LRP1B: variants seen among roughly 807,000 people sequenced by gnomAD.
LRP1B encodes low-density lipoprotein receptor-related protein 1B.
Under a neutral mutation model 556.6 loss-of-function variants are expected in LRP1B, and 217 were observed. The ratio of observed to expected loss-of-function variants is 0.39; its 90% CI spans 0.35 to 0.44. LRP1B has a LOEUF of 0.44. Among genes scored for constraint, LRP1B ranks in the 20% least tolerant of loss-of-function variants. LRP1B has a pLI of 1.00. For missense variants in LRP1B, 5,053 were observed against 5,620.8 expected (o/e 0.90, Z 3.23); for synonymous variants, 2,047 against 1,865.8 (o/e 1.10, Z -2.50).
At chr2:141,014,301 A>T (rs1248176091) in intron 13 of LRP1B, among the ~76,000 whole-genome samples, 1 of 152,114 alleles carries the variant, frequency 6.6e-6, no homozygotes, top group Non-Finnish European at 1.5e-5. Flanking sequence ...ACACAGACAC[A>T]TTTATTATTA....
At chr2:141,635,568 T>C (rs2105355318) in intron 2 of LRP1B, among the ~76,000 whole-genome samples, 1 of 152,304 alleles carries the variant, frequency 6.6e-6, no homozygotes, top group South Asian at 2.1e-4. Flanking sequence ...TGGAAGAGAT[T>C]TTTATTAAAT....
intron 35 of LRP1B, among the ~76,000 whole-genome samples, chr2:140,739,362 C>CAA (rs56217594): frequency 8.2e-5 from 12 of 146,850 alleles, no homozygotes; most frequent in South Asian, 2.1e-4. Flanking sequence ...TGCAAAGAGT[C>CAA]AAAAAAAAAA....
chr2:141,881,078 T>C (rs1698943803), intron 1 of LRP1B, among the ~76,000 whole-genome samples: 1 of 151,976 alleles, frequency 6.6e-6, no homozygotes, highest in East Asian at 1.9e-4. Flanking sequence ...TATTCACATC[T>C]TCACAAGAAG....
intron 3 of LRP1B, among the ~76,000 whole-genome samples, chr2:141,445,697 G>T (rs1681162252): frequency 6.6e-6 from 1 of 152,162 alleles, no homozygotes; most frequent in Admixed American, 6.5e-5. Flanking sequence ...AGTCATGCAG[G>T]AGCAGGTTGT....
chr2:141,122,766 T>G (rs1701093747), intron 7 of LRP1B, among the ~76,000 whole-genome samples: 1 of 152,114 alleles, frequency 6.6e-6, no homozygotes, highest in East Asian at 1.9e-4. Context: ...ACCTAAAGGT[T>G]TATAAATCAT....
chr2:141,359,136 TATAGC>T (rs1688728215), intron 3 of LRP1B, among the ~76,000 whole-genome samples: 1 of 151,528 alleles, frequency 6.6e-6, no homozygotes, highest in African/African-American at 2.4e-5. Flanking sequence ...GAGGCAAAAA[TATAGC>T]ATAAAGTAAT....
At chr2:141,002,735 C>T (rs1697461995) in intron 15 of LRP1B, among the ~76,000 whole-genome samples, 1 of 151,994 alleles carries the variant, frequency 6.6e-6, no homozygotes, top group Admixed American at 6.6e-5. Context: ...CTATCCTACA[C>T]ACCAGTGAAA....
chr2:140,450,959 C>T (rs35044342), intron 62 of LRP1B, among the ~76,000 whole-genome samples: 37,899 of 151,960 alleles, frequency 0.25, 5,053 homozygotes, highest in Non-Finnish European at 0.29. Flanking sequence ...GCTTGTTGGT[C>T]GAGATAGGGT....
intron 2 of LRP1B, among the ~76,000 whole-genome samples, chr2:141,650,015 A>AC (rs1265156477): frequency 6.6e-6 from 1 of 152,134 alleles, no homozygotes; most frequent in African/African-American, 2.4e-5. Context: ...CCCTGTCTCT[A>AC]CTAAAAATAT....
intron 3 of LRP1B, among the ~76,000 whole-genome samples, chr2:141,257,163 T>C (rs183287341): frequency 1.8e-4 from 28 of 151,990 alleles, no homozygotes; most frequent in Admixed American, 1.3e-3. Flanking sequence ...ATAGGATCGA[T>C]TGAGGGTGTT....
At chr2:141,545,155 T>C (rs1301462035) in intron 2 of LRP1B, among the ~76,000 whole-genome samples, 1 of 152,184 alleles carries the variant, frequency 6.6e-6, no homozygotes, top group Non-Finnish European at 1.5e-5. Flanking sequence ...AAAGCTATAA[T>C]CCTACACATC....
At chr2:140,467,527 T>G (rs558145062) in intron 60 of LRP1B, among the ~76,000 whole-genome samples, 2 of 149,674 alleles carry the variant, frequency 1.3e-5, no homozygotes, top group Admixed American at 6.7e-5. Context: ...CCAGGAGAAT[T>G]GCTTGGACCC....
chr2:141,387,984 T>C (rs901415849), intron 3 of LRP1B, among the ~76,000 whole-genome samples: 12 of 152,258 alleles, frequency 7.9e-5, no homozygotes, highest in Admixed American at 7.9e-4. Flanking sequence ...GCAATGACCA[T>C]GTGGGATTTA....
intron 7 of LRP1B, among the ~76,000 whole-genome samples, chr2:141,139,843 C>T (rs1259060576): frequency 6.6e-6 from 1 of 150,700 alleles, no homozygotes; most frequent in African/African-American, 2.4e-5. Context: ...ATCCCTTCTA[C>T]TCACATTTAC....
chr2:140,702,632 A>G (rs2105431468), intron 37 of LRP1B, 79 bp from the exon 38 acceptor site: 1 of 1,291,770 alleles, frequency 7.7e-7, no homozygotes, highest in South Asian at 1.2e-5. Flanking sequence ...GACATTACTA[A>G]TAACAGCAGT....
chr2:141,863,699 C>T (rs930590734), intron 1 of LRP1B, among the ~76,000 whole-genome samples: 4 of 152,138 alleles, frequency 2.6e-5, no homozygotes, highest in Non-Finnish European at 5.9e-5. Context: ...GAAACCAAGT[C>T]TTAGAAAAGT....
intron 11 of LRP1B, among the ~76,000 whole-genome samples, chr2:141,047,064 T>A (rs1284825081): frequency 1.5e-3 from 13 of 8,938 alleles, no homozygotes; most frequent in Non-Finnish European, 4.0e-3. Context: ...TTAATAATAA[T>A]AATAATAATA....
At chr2:140,993,475 A>T (rs1396776870) in intron 16 of LRP1B, among the ~76,000 whole-genome samples, 1 of 152,060 alleles carries the variant, frequency 6.6e-6, no homozygotes, top group Non-Finnish European at 1.5e-5. Flanking sequence ...AAAGTCAAAC[A>T]TTGATTTCTG....
chr2:140,326,143 C>T (rs1680464471), intron 79 of LRP1B, among the ~76,000 whole-genome samples: 1 of 152,046 alleles, frequency 6.6e-6, no homozygotes, highest in Non-Finnish European at 1.5e-5. Flanking sequence ...CCTAAATATC[C>T]CTTCTAGCCA....
Sources: allele counts gnomAD v4.1 joint callset (sites outside exome capture counted in the v4.1 genomes callset), GRCh38; gene constraint gnomAD v4.1.1; transcripts MANE v1.5; gene names NCBI Gene and HGNC (gene_info 2026-07-23, HGNC 2026-07-21).